KDM7A: variants seen among roughly 807,000 people sequenced by gnomAD.
KDM7A encodes the protein lysine-specific demethylase 7A.
KDM7A carries 28 observed loss-of-function variants against 114.8 expected under a neutral mutation model. That is an observed-to-expected ratio of 0.24 (90% CI 0.18 to 0.33). KDM7A has a LOEUF of 0.33. KDM7A is among the 10% of genes least tolerant of loss of function. The pLI, the probability that KDM7A is intolerant of heterozygous loss-of-function variation, is 1.00. For missense variants in KDM7A, 942 were observed against 1,142.5 expected (o/e 0.82, Z 2.53); for synonymous variants, 423 against 397.8 (o/e 1.06, Z -0.75).
At chr7:140,137,633 TCCC>T (rs1818892906) in intron 2 of KDM7A, among the ~76,000 whole-genome samples, 1 of 152,138 alleles carries the variant, frequency 6.6e-6, no homozygotes, top group Non-Finnish European at 1.5e-5. Context: ...ATGTAACAGT[TCCC>T]CCAATTTGCT....
intron 1 of KDM7A, among the ~76,000 whole-genome samples, chr7:140,169,458 G>A (rs1794614357): frequency 6.6e-6 from 1 of 152,054 alleles, no homozygotes. Context: ...CAGAAAACTC[G>A]ATTTCATACC....
In KDM7A at chr7:140,093,931, T is replaced by C. The variant is rs530168693; in HGVS notation, c.2457+125A>G. On this transcript the variant is annotated intron_variant, in intron 18 of 19. Transcript: ENST00000397560. ...ACAGTTGTTCAAATGTGCATTTAAC[T>C]GTAATTTTCTGGCTGCCTAGATCTA... 34 of 695,250 alleles carry C rather than the reference T, an allele frequency of 4.9e-5. No homozygotes were observed. In the Admixed American group the frequency reaches 6.9e-4, roughly 14 times the overall value. 43.1% of individuals were successfully genotyped at this position (695,250 alleles called of 1,614,324 possible).
intron 10 of KDM7A, among the ~76,000 whole-genome samples, chr7:140,111,713 C>T (rs962444673): frequency 6.6e-6 from 1 of 152,172 alleles, no homozygotes; most frequent in South Asian, 2.1e-4. Context: ...AATCCCAACA[C>T]TTTGGGAGGC....
At chr7:140,120,634 T>C (rs1818604670) in intron 7 of KDM7A, 105 bp from the exon 8 acceptor site, 6 of 682,890 alleles carry the variant, frequency 8.8e-6, no homozygotes, top group Admixed American at 6.7e-5. Flanking sequence ...TCAGTTTACT[T>C]CATATTTCAG....
chr7:140,170,106 T>C (rs1188324298), intron 1 of KDM7A, among the ~76,000 whole-genome samples: 1 of 152,184 alleles, frequency 6.6e-6, no homozygotes, highest in Admixed American at 6.5e-5. Flanking sequence ...GTGAAATGTA[T>C]ATTAAACAAA....
chr7:140,090,088 T>C lies in KDM7A; in HGVS notation c.*1006A>G, dbSNP rs1817995592. The C allele has an allele frequency of 6.6e-6, 1 of 152,228 alleles. No individual in the cohort carries two copies. Among genetic ancestry groups the C allele is most frequent in the Admixed American group, 6.5e-5 (1 of 15,282 alleles). The allele number at this position is 152,228 out of a possible 1,614,324, so 9.4% of individuals were successfully genotyped here. On this transcript the variant is annotated 3_prime_UTR_variant, in exon 20 of 20. Transcript: ENST00000397560. ...CAGCAGCAGTACGAAGAAGGCCTGC[T>C]GTAGTTACAAATGTACTTGGAAAAA... is the stretch of plus-strand genomic sequence containing the variant.
Position 140,176,624 on chromosome 7 carries a change from C to T in KDM7A, c.194+120G>A. ...CGGCCGGGGGGCTAGGCACCGGGGC[C>T]CCCTGAAAGCTGGGCGCGGCGCGGC... On this transcript the variant is annotated intron_variant, in intron 1 of 19. Transcript: ENST00000397560. This position sits in a 1 kb window ranked among gnomAD's most constrained non-coding sequence, Gnocchi z 4.4. 10 of 733,340 alleles carry T rather than the reference C, an allele frequency of 1.4e-5. No individual in the cohort carries two copies. The highest frequency in any genetic ancestry group is 1.7e-5 in the Non-Finnish European group (10 of 599,328). 45.4% of individuals were successfully genotyped at this position (733,340 alleles called of 1,614,324 possible).
intron 14 of KDM7A, 150 bp downstream of exon 14, chr7:140,098,729 C>G (rs1040179738): frequency 4.5e-6 from 3 of 673,788 alleles, no homozygotes; most frequent in Admixed American, 2.9e-5. Flanking sequence ...TTCAGCACTT[C>G]TCTCATACTT....
chr7:140,167,802 G>C (rs886365208), intron 1 of KDM7A, among the ~76,000 whole-genome samples: 9 of 151,698 alleles, frequency 5.9e-5, no homozygotes, highest in Admixed American at 4.6e-4. Context: ...ATTTTGCATG[G>C]CAAAAAAATT....
chr7:140,099,121 A>G (rs1818161068), intron 13 of KDM7A, 88 bp from the exon 14 acceptor site: 5 of 998,834 alleles, frequency 5.0e-6, no homozygotes, highest in Non-Finnish European at 7.4e-6. Context: ...ATTTACAAAG[A>G]GTAGAGAATT....
chr7:140,138,197 A>C (rs1818899781), intron 2 of KDM7A, among the ~76,000 whole-genome samples: 1 of 151,864 alleles, frequency 6.6e-6, no homozygotes, highest in African/African-American at 2.4e-5. Context: ...GGTCCCAGCT[A>C]CTCCAGAGGT....
intron 1 of KDM7A, among the ~76,000 whole-genome samples, chr7:140,173,179 A>G (rs1233607883): frequency 6.6e-6 from 1 of 152,086 alleles, no homozygotes; most frequent in Non-Finnish European, 1.5e-5. Flanking sequence ...CCAAGAACTC[A>G]GGGAGAAAGA....
Position 140,091,932 on chromosome 7 carries a change from G to A in KDM7A, c.2603C>T (p.Ala868Val), listed in dbSNP as rs371344277. ...TAGACTGCCATTACTTATCTGGCAC[G>A]CCCCCGAAGTCAGGTTTGAATTCTG... ...YMQNSNLTSG[A>V]CQISNGSLSP... The change falls in exon 19 of 20, where the codon GCG becomes GTG. Residue 868 changes from alanine (A) to valine (V), a missense_variant. By Grantham distance (64) the Ala-to-Val change is moderately conservative. This residue lies in a region of KDM7A where 512 missense variants were observed against 576.6 expected (regional missense o/e 0.89). Coordinates refer to ENST00000397560, the MANE Select transcript of KDM7A (RefSeq NM_030647.2). 5.1e-5 allele frequency: 83 copies of A among 1,613,486 alleles called. No homozygotes were observed. The highest frequency in any genetic ancestry group is 3.2e-4 in the South Asian group (29 of 91,054).
At chr7:140,171,815 T>C (rs1313720122) in intron 1 of KDM7A, among the ~76,000 whole-genome samples, 1 of 151,892 alleles carries the variant, frequency 6.6e-6, no homozygotes, top group Non-Finnish European at 1.5e-5. Context: ...TGTTCAACTT[T>C]ATTATGTGTG....
chr7:140,142,474 T>A (rs943420140), intron 1 of KDM7A, among the ~76,000 whole-genome samples: 13 of 149,244 alleles, frequency 8.7e-5, no homozygotes, highest in African/African-American at 3.2e-4. Flanking sequence ...AGGCACATCA[T>A]AAAAGGAACT....
At chr7:140,138,786 A>G (rs567327561) in intron 2 of KDM7A, among the ~76,000 whole-genome samples, 1 of 152,348 alleles carries the variant, frequency 6.6e-6, no homozygotes, top group South Asian at 2.1e-4. Flanking sequence ...GAAGAGAGCA[A>G]AACAAGTGAA....
rs894948811 is a variant in KDM7A at position 140,114,501 on chromosome 7, G to A, written c.1247-919C>T. 2.3e-3 allele frequency among the ~76,000 whole-genome samples: 346 copies of A among 148,216 alleles called. 2 individuals are homozygous for A. Among genetic ancestry groups the A allele is most frequent in the African/African-American group, 8.1e-3 (318 of 39,312 alleles). On this transcript the variant is annotated intron_variant, in intron 9 of 19. Coordinates refer to ENST00000397560, the MANE Select transcript of KDM7A (RefSeq NM_030647.2). Reference sequence around the variant, plus strand: ...GTTGCCCAGGCTGGAGTGCAGTGGCGTGATCTCGGCTCGCTACAACCTCCA... The same window carrying A: ...GTTGCCCAGGCTGGAGTGCAGTGGCATGATCTCGGCTCGCTACAACCTCCA...
chr7:140,175,930 G>A (rs1207413221), intron 1 of KDM7A, among the ~76,000 whole-genome samples: 1 of 152,120 alleles, frequency 6.6e-6, no homozygotes, highest in African/African-American at 2.4e-5. Flanking sequence ...CAGGGGGTCC[G>A]GAGAAGCGTT....
At chr7:140,097,663 G>A in intron 14 of KDM7A, 21 bp from the exon 15 acceptor site, 4 of 1,341,560 alleles carry the variant, frequency 3.0e-6, no homozygotes, top group South Asian at 2.4e-5. Context: ...ATGAAAGGAT[G>A]AGAAAAAGAG....
Sources: gnomAD v4.1 joint callset for allele counts (sites outside exome capture counted in the v4.1 genomes callset) on GRCh38, gnomAD v4.1.1 for gene constraint, gnomAD v4.1.1 regional missense constraint, Gnocchi (gnomAD v3.1) non-coding constraint, MANE v1.5 for transcripts, NCBI Gene and HGNC (gene_info 2026-07-23, HGNC 2026-07-21) for gene names.